The following PLXNB2 variants were observed in gnomAD, a reference collection of about 807,000 sequenced individuals.
PLXNB2 encodes the protein plexin-B2.
In PLXNB2, 85 loss-of-function variants were observed where a neutral mutation model predicts 202.6. The observed-to-expected ratio is 0.42, with a 90% confidence interval of 0.35 to 0.50. The LOEUF (loss-of-function observed/expected upper bound fraction) is 0.50, where lower values mean the gene tolerates loss of function less well. PLXNB2 is among the 20% of genes least tolerant of loss of function. PLXNB2 has a pLI of 0.02. For synonymous variants in PLXNB2, 1,239 were observed against 1,137.6 expected (o/e 1.09, Z -1.79); for missense variants, 2,063 against 2,586.2 (o/e 0.80, Z 4.39).
intron 1 of PLXNB2, among the ~76,000 whole-genome samples, chr22:50,306,733 CCCCT>C (rs1601791119): frequency 6.7e-6 from 1 of 149,746 alleles, no homozygotes; most frequent in East Asian, 2.0e-4. Flanking sequence ...TCACCCTCAC[CCCCT>C]GTCCTGACTC....
Position 50,289,938 on chromosome 22 carries a change from T to C in PLXNB2, c.647A>G (p.Gln216Arg), listed in dbSNP as rs2066751793. 2 of 1,613,308 alleles carry C rather than the reference T, an allele frequency of 1.2e-6. No homozygotes were observed. Among genetic ancestry groups the C allele is most frequent in the East Asian group, 2.2e-5 (1 of 44,894 alleles). The change falls in exon 3 of 37, where the codon CAG becomes CGG. Residue 216 changes from glutamine (Q) to arginine (R), a missense_variant. Around this residue, in one of 2 missense-constraint regions of PLXNB2, gnomAD observed 1,303 missense variants for 1,476.8 expected, o/e 0.88. Transcript: ENST00000359337. This position sits in a 1 kb window ranked among gnomAD's most constrained non-coding sequence, Gnocchi z 8.0. ...GTCCTCGAAGGCCGCCACGAACTGC[T>C]GTGTGTTGGTGGACAGGTAGCCGGC... ...YKAGYLSTNT[Q>R]QFVAAFEDGP...
chr22:50,277,458 C>T (rs917559883), intron 33 of PLXNB2, 133 bp downstream of exon 33: 8 of 922,160 alleles, frequency 8.7e-6, no homozygotes, highest in African/African-American at 8.4e-5. Flanking sequence ...CTCCGCCACC[C>T]GTCACCTCCT....
chr22:50,291,880 T>C lies in PLXNB2; in HGVS notation c.-13-1283A>G, dbSNP rs934930875. ...AGGTGCCAAGGGGGTCCAGACTCGA[T>C]GGCAGAGGGTTACGAGGGATGGAGG... On this transcript the variant is annotated intron_variant, in intron 2 of 36. Transcript: ENST00000359337. The surrounding 1 kb of genome is among the most constrained non-coding windows in gnomAD (Gnocchi z 4.3). 5.3e-5 allele frequency among the ~76,000 whole-genome samples: 8 copies of C among 152,240 alleles called. No individual in the cohort carries two copies. The highest frequency in any genetic ancestry group is 1.9e-4 in the African/African-American group (8 of 41,540).
intron 28 of PLXNB2, 30 bp downstream of exon 28, chr22:50,278,825 G>A: frequency 3.7e-6 from 6 of 1,603,572 alleles, no homozygotes; most frequent in Non-Finnish European, 5.1e-6. Flanking sequence ...ATGGGCGCCT[G>A]TGTGCAGACG....
At chr22:50,276,110 G>A in intron 35 of PLXNB2, 147 bp from the exon 36 acceptor site, 1 of 694,354 alleles carries the variant, frequency 1.4e-6, no homozygotes, top group Middle Eastern at 3.7e-4. Flanking sequence ...CCCCCATGTG[G>A]CACAGCCTCA....
intron 1 of PLXNB2, among the ~76,000 whole-genome samples, chr22:50,303,388 G>A (rs1375515463): frequency 1.3e-5 from 2 of 152,202 alleles, no homozygotes; most frequent in Non-Finnish European, 2.9e-5. Flanking sequence ...AGCAGACAGT[G>A]CCCCCAGACG....
intron 1 of PLXNB2, among the ~76,000 whole-genome samples, chr22:50,299,596 G>T (rs895075853): frequency 6.6e-6 from 1 of 152,230 alleles, no homozygotes; most frequent in African/African-American, 2.4e-5. Context: ...AAGCGCGAGG[G>T]GGGTGCCGCG....
chr22:50,277,528 C>CAA, intron 33 of PLXNB2, 63 bp downstream of exon 33: 1 of 1,460,380 alleles, frequency 6.8e-7, no homozygotes. Context: ...TCCCAACTCA[C>CAA]AAGATGCCTC....
At chr22:50,303,547 C>T (rs1292765061) in intron 1 of PLXNB2, among the ~76,000 whole-genome samples, 1 of 152,254 alleles carries the variant, frequency 6.6e-6, no homozygotes, top group Non-Finnish European at 1.5e-5. Context: ...GGAGCAGACG[C>T]CCTTGCCTGG....
In PLXNB2 at chr22:50,283,649, G is replaced by A. The variant is rs372042762; in HGVS notation, c.2523C>T (p.Ala841=). ...CCGGCTGAAAGGAGCAGTTCCGGCC[G>A]GCCACAGAGATCCTCTGGATGTCCC... ...QAGDIQRISV[A]GRNCSFQPER... is the part of the protein sequence containing the mutation. Residue 841 remains alanine (A), a synonymous_variant, in exon 15 of 37, where the codon GCC becomes GCT. Transcript: ENST00000359337. 99 of 1,613,082 alleles carry A rather than the reference G, an allele frequency of 6.1e-5. No homozygotes were observed. The highest frequency in any genetic ancestry group is 1.2e-4 in the Admixed American group (7 of 60,000).
At chr22:50,302,655 T>C (rs887260656) in intron 1 of PLXNB2, among the ~76,000 whole-genome samples, 1 of 152,050 alleles carries the variant, frequency 6.6e-6, no homozygotes. Flanking sequence ...GGTGCCAACA[T>C]AGGAGTGGGG....
At position 50,283,920 on chromosome 22, in the gene PLXNB2, C is replaced by T. The variant is rs754133177; in HGVS notation, c.2334G>A (p.Arg778=). Residue 778 remains arginine (R), a synonymous_variant, in exon 14 of 37, where the codon AGG becomes AGA. Transcript: ENST00000359337. Reference sequence around the variant, plus strand: ...TGCTCTGGCCCCCGCACCACGCACACCTGTAGTCGGGGTTAGCGGCCCGGC... The same window carrying T: ...TGCTCTGGCCCCCGCACCACGCACATCTGTAGTCGGGGTTAGCGGCCCGGC... ...SLCRAANPDY[R]CAWCGGQSRC... is the part of the protein sequence containing the mutation. 1 of 1,575,022 alleles carries T rather than the reference C, an allele frequency of 6.3e-7. No individual in the cohort carries two copies. The highest frequency in any genetic ancestry group is 2.3e-5 in the East Asian group (1 of 42,826).
At position 50,287,694 on chromosome 22, in the gene PLXNB2, C is replaced by T. The variant is rs746814341; in HGVS notation, c.1581G>A (p.Gln527=). The T allele has an allele frequency of 1.9e-6, 3 of 1,556,172 alleles. No homozygotes were observed. In the African/African-American group the frequency reaches 4.1e-5, roughly 21 times the overall value. Residue 527 remains glutamine, a synonymous_variant, in exon 7 of 37, where the codon CAG becomes CAA. Coordinates refer to ENST00000359337, the MANE Select transcript of PLXNB2 (RefSeq NM_012401.4). ...SCVAVTSAQP[Q]NMSRRAQGEV... ...CCCCCTGGGCCCGCCGGCTCATGTT[C>T]TGTGGCTGGGCGCTGGTGACGGCCA...
At chr22:50,292,843 G>A (rs918639002) in intron 2 of PLXNB2, among the ~76,000 whole-genome samples, 5 of 152,238 alleles carry the variant, frequency 3.3e-5, no homozygotes, top group African/African-American at 4.8e-5. Flanking sequence ...GCATGAGTGA[G>A]ACAGCGCTGC....
At chr22:50,306,148 A>T (rs911574539) in intron 1 of PLXNB2, among the ~76,000 whole-genome samples, 8 of 151,728 alleles carry the variant, frequency 5.3e-5, no homozygotes, top group Admixed American at 5.3e-4. Context: ...GGGGAGGGGG[A>T]CTCACATTCC....
chr22:50,279,859 G>T, intron 26 of PLXNB2, 83 bp from the exon 27 acceptor site: 2 of 1,533,684 alleles, frequency 1.3e-6, no homozygotes, highest in Non-Finnish European at 1.8e-6. Context: ...CAGAGGCATG[G>T]ACGGGGCTGA....
At position 50,288,761 on chromosome 22, in the gene PLXNB2, G is replaced by A. The variant is rs762597391; in HGVS notation, c.1362C>T (p.Tyr454=). ...GGCTCACCTTGTCCTGGGTCATGGC[G>A]TACAGGCTGCCCAGGTCTCCAGACA... ...LVLSGDLGSL[Y]AMTQDKVFRL... is the part of the protein sequence containing the mutation. The change falls in exon 5 of 37, where the codon TAC becomes TAT. Residue 454 remains tyrosine, a synonymous_variant. Transcript: ENST00000359337. This position sits in a 1 kb window ranked among gnomAD's most constrained non-coding sequence, Gnocchi z 5.0. 15 of 1,612,904 alleles carry A rather than the reference G, an allele frequency of 9.3e-6. No homozygotes were observed. The highest frequency in any genetic ancestry group is 6.7e-5 in the African/African-American group (5 of 74,926).
chr22:50,289,582 G>T lies in PLXNB2; in HGVS notation c.1003C>A (p.Arg335=). Residue 335 remains arginine (R), a synonymous_variant, in exon 3 of 37, where the codon CGG becomes AGG. Coordinates refer to ENST00000359337, the MANE Select transcript of PLXNB2 (RefSeq NM_012401.4). The surrounding 1 kb of genome is among the most constrained non-coding windows in gnomAD (Gnocchi z 8.0). ...TTGTAGAAGATGTCACGGGCCTCCCGGGTGCCTGTGTAACAGGCGTTGCGG... is the reference window on the plus strand; with the variant it reads ...TTGTAGAAGATGTCACGGGCCTCCCTGGTGCCTGTGTAACAGGCGTTGCGG... ...ANRNACYTGT[R]EARDIFYKPF... is the part of the protein sequence containing the mutation. The T allele has an allele frequency of 6.2e-7, 1 of 1,611,310 alleles. No homozygotes were observed.
rs557352596 is a variant in PLXNB2 at position 50,275,204 on chromosome 22, C to T, written c.*500G>A. On this transcript the variant is annotated 3_prime_UTR_variant, in exon 37 of 37. Transcript: ENST00000359337. Reference sequence around the variant, plus strand: ...GCAGCCGTGAGTCCACCCAGAGTGCCGGCACCCTTGGGGAGGCCGGTGAGG... The same window carrying T: ...GCAGCCGTGAGTCCACCCAGAGTGCTGGCACCCTTGGGGAGGCCGGTGAGG... 4.3e-4 allele frequency: 141 copies of T among 330,374 alleles called. 1 individual carries two copies. Among genetic ancestry groups the T allele is most frequent in the South Asian group, 3.0e-3 (132 of 43,644 alleles). The allele number at this position is 330,374 out of a possible 1,614,324, so 20.5% of individuals were successfully genotyped here.
Sources: allele counts gnomAD v4.1 joint callset (sites outside exome capture counted in the v4.1 genomes callset), GRCh38; gene constraint gnomAD v4.1.1; regional missense constraint gnomAD v4.1.1; non-coding constraint Gnocchi (gnomAD v3.1); transcripts MANE v1.5; gene names NCBI Gene and HGNC (gene_info 2026-07-23, HGNC 2026-07-21).